The following URGCP variants were observed in gnomAD, a reference collection of about 807,000 sequenced individuals.
URGCP encodes the protein upregulator of cell proliferation.
In URGCP, 13 loss-of-function variants were observed where a neutral mutation model predicts 24.6. That is an observed-to-expected ratio of 0.53 (90% CI 0.34 to 0.84). The LOEUF (loss-of-function observed/expected upper bound fraction) is 0.84. Ranked by LOEUF, URGCP falls within the 40% of genes least tolerant of loss-of-function variation. The pLI, the probability that URGCP is intolerant of heterozygous loss-of-function variation, is 0.01. For missense variants in URGCP, 899 were observed against 1,194.3 expected (o/e 0.75, Z 3.64); for synonymous variants, 444 against 487.2 (o/e 0.91, Z 1.17).
chr7:43,883,358 A>ATTTTT (rs1490751876), intron 3 of URGCP, among the ~76,000 whole-genome samples: 30 of 95,804 alleles, frequency 3.1e-4, no homozygotes, highest in South Asian at 1.8e-3. Context: ...ATATATATAT[A>ATTTTT]TATATTTTTT....
At chr7:43,898,658 A>C (rs2095883297) in intron 1 of URGCP, among the ~76,000 whole-genome samples, 1 of 152,072 alleles carries the variant, frequency 6.6e-6, no homozygotes, top group East Asian at 1.9e-4. Flanking sequence ...CCAGTTATTC[A>C]GGAGGCTGAG....
chr7:43,916,009 TA>T (rs989754131), intron 1 of URGCP, among the ~76,000 whole-genome samples: 11 of 146,922 alleles, frequency 7.5e-5, no homozygotes, highest in South Asian at 2.2e-4. Flanking sequence ...AACTCCATCT[TA>T]AAAAAAAAAA....
rs2095849595 is a variant in URGCP at position 43,878,802 on chromosome 7, C to T, written c.661G>A (p.Glu221Lys). 1.9e-6 allele frequency: 3 copies of T among 1,613,920 alleles called. No homozygotes were observed. Among genetic ancestry groups the T allele is most frequent in the Non-Finnish European group, 2.5e-6 (3 of 1,179,972 alleles). ...AGCAGAAATGTATGGTAGTGGTTCT[C>T]CGAGTCAGGCAACACGAGTGGGAGT... The part of the protein sequence containing the change: ...FALPLVLPDS[E>K]NHYHTFLLWA... Residue 221 changes from glutamate (E) to lysine (K), a missense_variant, in exon 6 of 6, where the codon GAG (glutamate) becomes AAG (lysine). Glu to Lys is a moderately conservative substitution (Grantham distance 56). Coordinates refer to ENST00000453200, the MANE Select transcript of URGCP (RefSeq NM_001077663.3). This position sits in a 1 kb window ranked among gnomAD's most constrained non-coding sequence, Gnocchi z 5.6.
Position 43,888,021 on chromosome 7 carries a change from CG to C in URGCP, c.15-206del, listed in dbSNP as rs2095864654. On this transcript the variant is annotated intron_variant, in intron 1 of 5. Coordinates refer to ENST00000453200, the MANE Select transcript of URGCP (RefSeq NM_001077663.3). ...AGGGAAAGCTGTTATATTAATTAGT[CG>C]GGGGAAAGTCAGGCTACAGAAAAGT... The C allele has an allele frequency of 5.5e-6, 3 of 541,416 alleles. No homozygotes were observed. In the South Asian group the frequency reaches 7.3e-5, roughly 13 times the overall value. The allele number at this position is 541,416 out of a possible 1,614,324, so 33.5% of individuals were successfully genotyped here.
upstream of URGCP, chr7:43,910,935 T>C (rs1315129537): frequency 6.6e-6 from 1 of 152,122 alleles, no homozygotes; most frequent in East Asian, 1.9e-4. Flanking sequence ...GATAAACATG[T>C]ATGCACCAAA....
chr7:43,915,000 G>T (rs2095914010), intron 1 of URGCP, among the ~76,000 whole-genome samples: 1 of 152,188 alleles, frequency 6.6e-6, no homozygotes, highest in Admixed American at 6.5e-5. Context: ...CTGAAGAATG[G>T]GGGTGGAGCC....
chr7:43,877,875 G>A lies in URGCP; in HGVS notation c.1588C>T (p.Arg530Trp), dbSNP rs1414683505. The A allele has an allele frequency of 8.7e-6, 14 of 1,612,542 alleles. No homozygotes were observed. The East Asian group carries it at 1.8e-4, about 21-fold the overall frequency. ...PPEKHRAELRRRLLELRMQQN... is the reference protein window; with the variant it reads ...PPEKHRAELRWRLLELRMQQN... ...TGCATTCGAAGTTCTAGCAGCCGCC[G>A]CCTCAGCTCAGCCCTGTGCTTCTCA... The change falls in exon 6 of 6, where the codon CGG becomes TGG. Residue 530 changes from arginine (R) to tryptophan (W), a missense_variant. By Grantham distance (101) the Arg-to-Trp change is moderately radical (BLOSUM62 -3). Coordinates refer to ENST00000453200, the MANE Select transcript of URGCP (RefSeq NM_001077663.3).
chr7:43,906,562 C>A lies in URGCP; in HGVS notation c.14G>T (p.Gly5Val). Residue 5 changes from glycine to valine, a missense_variant and splice_region_variant, in exon 1 of 6, where the codon GGG becomes GTG. Transcript: ENST00000453200. Reference sequence around the variant, plus strand: ...GCAGGGCCTGCGAGGCGGCACTCACCCGGGCGACGCCATGAGCGCAGCGAG... The same window carrying A: ...GCAGGGCCTGCGAGGCGGCACTCACACGGGCGACGCCATGAGCGCAGCGAG... MASPGIEVELLGKGH... is the reference protein window; with the variant it reads MASPVIEVELLGKGH... The A allele has an allele frequency of 8.0e-7, 1 of 1,242,348 alleles. No individual in the cohort carries two copies. The highest frequency in any genetic ancestry group is 2.5e-5 in the South Asian group (1 of 40,660). 77.0% of individuals were successfully genotyped at this position (1,242,348 alleles called of 1,614,324 possible). A position where few individuals can be genotyped will look rare whatever the true frequency, so the allele number is the denominator to read the frequency against.
chr7:43,905,258 T>C (rs1056441841), intron 1 of URGCP, among the ~76,000 whole-genome samples: 10 of 89,596 alleles, frequency 1.1e-4, no homozygotes, highest in South Asian at 4.3e-4. Context: ...ACCCTCAACA[T>C]TGCCTCCAGG....
At chr7:43,926,724 C>T (rs1414957066), upstream of URGCP, among the ~76,000 whole-genome samples, 1 of 151,866 alleles carries the variant, frequency 6.6e-6, no homozygotes, top group Non-Finnish European at 1.5e-5. Context: ...GCGAACGCAG[C>T]CTGAGAAAGG....
chr7:43,895,553 T>C (rs1225770337), intron 1 of URGCP, among the ~76,000 whole-genome samples: 2 of 152,210 alleles, frequency 1.3e-5, no homozygotes, highest in African/African-American at 4.8e-5. Context: ...CACACACCTG[T>C]AGTCCCAGCT....
chr7:43,917,553 T>G (rs2095916840), intron 1 of URGCP, among the ~76,000 whole-genome samples: 1 of 152,220 alleles, frequency 6.6e-6, no homozygotes, highest in Non-Finnish European at 1.5e-5. Flanking sequence ...AATCCTGGCT[T>G]AGGGAATGAG....
At position 43,881,675 on chromosome 7, in the gene URGCP, G is replaced by A. The variant is rs558466427; in HGVS notation, c.186C>T (p.Asp62=). 1 of 1,614,026 alleles carries A rather than the reference G, an allele frequency of 6.2e-7. No individual in the cohort carries two copies. The highest frequency in any genetic ancestry group is 1.1e-5 in the South Asian group (1 of 91,070). Residue 62 remains aspartate, a synonymous_variant, in exon 5 of 6, where the codon GAC becomes GAT. Transcript: ENST00000453200. ...RYGDGTNEAQ[D]NDFPTVERSR... ...AATGCTTACCTGTTGGAAAATCATT[G>A]TCCTGAGCCTCATTTGTACCATCTA...
chr7:43,890,340 G>A (rs753842315), intron 1 of URGCP, among the ~76,000 whole-genome samples: 9 of 148,278 alleles, frequency 6.1e-5, no homozygotes, highest in East Asian at 2.0e-4. Flanking sequence ...TCAGCCTCCC[G>A]AGTAGCTGGG....
chr7:43,884,691 G>A (rs57455689), intron 3 of URGCP, among the ~76,000 whole-genome samples: 2 of 152,068 alleles, frequency 1.3e-5, no homozygotes, highest in African/African-American at 4.8e-5. Flanking sequence ...AAAATTAGTC[G>A]GGTGCAGTGG....
In URGCP at chr7:43,878,686, CCT is replaced by C; in HGVS notation, c.775_776del (p.Arg259GlyfsTer13). On this transcript the variant is annotated frameshift_variant, in exon 6 of 6. Coordinates refer to ENST00000453200, the MANE Select transcript of URGCP (RefSeq NM_001077663.3). LOFTEE classifies it low-confidence loss of function (END_TRUNC). The surrounding 1 kb of genome is among the most constrained non-coding windows in gnomAD (Gnocchi z 5.6). ...SFREDSVVLS[R>X]APAFAFVRMD... ...TGCGCACGAAGGCGAAGGCGGGCGC[CCT>C]GGACAAGACCACGCTGTCTTCCCGG... is the stretch of plus-strand genomic sequence containing the variant. 6.2e-7 allele frequency: 1 copy of C among 1,613,852 alleles called. No homozygotes were observed. The highest frequency in any genetic ancestry group is 8.5e-7 in the Non-Finnish European group (1 of 1,180,034).
chr7:43,895,636 C>A (rs2730619), intron 1 of URGCP, among the ~76,000 whole-genome samples: 51,778 of 152,144 alleles, frequency 0.34, 9,116 homozygotes, highest in South Asian at 0.58. Flanking sequence ...GATCATGGCA[C>A]TGCGCTCCAG....
chr7:43,916,711 A>T (rs201474876), intron 1 of URGCP, among the ~76,000 whole-genome samples: 1 of 39,270 alleles, frequency 2.5e-5, no homozygotes, highest in Non-Finnish European at 5.2e-5. Context: ...CTCCCTACCC[A>T]CCCCCCCCCC....
At chr7:43,880,826 A>G (rs2528398) in intron 5 of URGCP, among the ~76,000 whole-genome samples, 110,598 of 152,184 alleles carry the variant, frequency 0.73, 40,397 homozygotes, top group African/African-American at 0.82. Flanking sequence ...CGTGTATGAT[A>G]CTGCTTTGAT....
Sources: allele counts gnomAD v4.1 joint callset (sites outside exome capture counted in the v4.1 genomes callset), GRCh38; gene constraint gnomAD v4.1.1; non-coding constraint Gnocchi (gnomAD v3.1); transcripts MANE v1.5; gene names NCBI Gene and HGNC (gene_info 2026-07-23, HGNC 2026-07-21).